Variants in RAB19 observed in about 807,000 individuals in gnomAD.
RAB19 encodes the protein ras-related protein Rab-19.
A neutral mutation model predicts 17.3 loss-of-function variants in RAB19; 21 were observed. The observed-to-expected ratio is 1.21, with a 90% CI of 0.86 to 1.74. The LOEUF (loss-of-function observed/expected upper bound fraction) is 1.74, where lower values mean the gene tolerates loss of function less well. RAB19 is among the 40% of genes most tolerant of loss of function. The pLI is 0.00. For synonymous variants in RAB19, 126 were observed against 110.4 expected (o/e 1.14, Z -0.88); for missense variants, 277 against 286.8 (o/e 0.97, Z 0.25).
chr7:140,421,622 G>T (rs1799564335), intron 3 of RAB19, among the ~76,000 whole-genome samples: 1 of 152,140 alleles, frequency 6.6e-6, no homozygotes, highest in Non-Finnish European at 1.5e-5. Context: ...CTCCCAAAGT[G>T]CTGAGATTAC....
At chr7:140,416,982 T>C (rs1320636488) in intron 3 of RAB19, among the ~76,000 whole-genome samples, 1 of 151,582 alleles carries the variant, frequency 6.6e-6, no homozygotes, top group African/African-American at 2.4e-5. Flanking sequence ...TCCCAGCACT[T>C]TGGGAGGCCG....
intron 3 of RAB19, among the ~76,000 whole-genome samples, chr7:140,422,269 A>G (rs915355913): frequency 6.6e-6 from 1 of 152,088 alleles, no homozygotes; most frequent in African/African-American, 2.4e-5. Flanking sequence ...GGTGCCTGTA[A>G]TCCCAGCTAC....
chr7:140,412,614 T>C (rs978333034), intron 3 of RAB19, among the ~76,000 whole-genome samples: 1 of 151,172 alleles, frequency 6.6e-6, no homozygotes, highest in African/African-American at 2.4e-5. Flanking sequence ...GTGATCCCCC[T>C]GCCTGGCCCT....
intron 3 of RAB19, among the ~76,000 whole-genome samples, chr7:140,412,628 AAAG>A (rs1423686475): frequency 3.3e-5 from 5 of 150,712 alleles, no homozygotes; most frequent in African/African-American, 1.2e-4. Flanking sequence ...TGGCCCTCCC[AAAG>A]TGCTGGGATT....
chr7:140,415,757 T>C (rs1799444410), intron 3 of RAB19, among the ~76,000 whole-genome samples: 1 of 127,554 alleles, frequency 7.8e-6, no homozygotes. Context: ...ATACAAAAAT[T>C]AGCCAGATGT....
chr7:140,412,038 TGTG>T lies in RAB19; in HGVS notation c.369_371del (p.Val124del). ...AGATAGAGAAATATGGAGCTGCAAA[TGTG>T]GTCATTATGCTGATTGGTATGGCAT... On this transcript the variant is annotated inframe_deletion, in exon 3 of 4. Transcript: ENST00000537763. 1 of 1,612,590 alleles carries T rather than the reference TGTG, an allele frequency of 6.2e-7. No individual in the cohort carries two copies. Among genetic ancestry groups the T allele is most frequent in the Non-Finnish European group, 8.5e-7 (1 of 1,180,032 alleles).
chr7:140,410,955 G>A, intron 2 of RAB19: 3 of 1,367,876 alleles, frequency 2.2e-6, no homozygotes, highest in Non-Finnish European at 2.9e-6. Context: ...AACAGCTTGA[G>A]TGTTCCTTTA....
intron 3 of RAB19, among the ~76,000 whole-genome samples, chr7:140,414,520 C>A (rs781285274): frequency 6.6e-6 from 1 of 152,262 alleles, no homozygotes; most frequent in African/African-American, 2.4e-5. Flanking sequence ...GGTATTTATA[C>A]CCTAGTCTGT....
At chr7:140,422,923 C>T (rs1291192077) in intron 3 of RAB19, among the ~76,000 whole-genome samples, 1 of 152,166 alleles carries the variant, frequency 6.6e-6, no homozygotes, top group African/African-American at 2.4e-5. Context: ...GCCTGGCTAA[C>T]ATGGTGAAAC....
At position 140,413,605 on chromosome 7, in the gene RAB19, G is replaced by A. The variant is rs141937016; in HGVS notation, c.385+1548G>A. Among the ~76,000 whole-genome samples the A allele has an allele frequency of 1.1e-3, 160 of 152,268 alleles. 1 individual carries two copies. The South Asian group carries it at 0.015, about 15-fold the overall frequency. On this transcript the variant is annotated intron_variant, in intron 3 of 3. Coordinates refer to ENST00000537763, the MANE Select transcript of RAB19 (RefSeq NM_001008749.3). ...AGTCCCAGCTACTTGAGAGGTTGGG[G>A]TGGGGGGAATCACTTGAGCCTGGGA...
chr7:140,413,398 CT>C (rs1484114487), intron 3 of RAB19, among the ~76,000 whole-genome samples: 2 of 151,706 alleles, frequency 1.3e-5, no homozygotes, highest in Admixed American at 1.3e-4. Flanking sequence ...TTAGGATAAT[CT>C]TTTCTATTTC....
chr7:140,412,220 G>A (rs1799378988), intron 3 of RAB19, among the ~76,000 whole-genome samples, 163 bp downstream of exon 3: 3 of 152,114 alleles, frequency 2.0e-5, no homozygotes, highest in Admixed American at 1.3e-4. Flanking sequence ...GGGAGGCTGG[G>A]GCGGGCGGAT....
chr7:140,419,267 CTA>C (rs1257342844), intron 3 of RAB19, among the ~76,000 whole-genome samples: 1 of 152,016 alleles, frequency 6.6e-6, no homozygotes, highest in Admixed American at 6.6e-5. Context: ...ATGCGTTTTA[CTA>C]TGTTGGCCAG....
chr7:140,406,141 G>A (rs540268280), intron 1 of RAB19, among the ~76,000 whole-genome samples: 58 of 151,288 alleles, frequency 3.8e-4, no homozygotes, highest in African/African-American at 1.3e-3. Context: ...TACTTGGGAG[G>A]CTGAGGCAAG....
intron 3 of RAB19, among the ~76,000 whole-genome samples, chr7:140,414,191 C>T (rs879423909): frequency 2.2e-4 from 34 of 152,072 alleles, no homozygotes; most frequent in Non-Finnish European, 4.6e-4. Context: ...ATTACAGGCT[C>T]CCGCCACCAC....
At chr7:140,411,022 A>G (rs1799349721) in intron 2 of RAB19, 2 of 1,367,736 alleles carry the variant, frequency 1.5e-6, no homozygotes, top group Middle Eastern at 2.1e-4. Flanking sequence ...ATCCACGGGC[A>G]GACTCAAAAG....
chr7:140,417,159 C>T (rs575121607), intron 3 of RAB19, among the ~76,000 whole-genome samples: 7 of 150,184 alleles, frequency 4.7e-5, no homozygotes, highest in Admixed American at 2.0e-4. Context: ...TCACTTGAAC[C>T]TAGGAGGCAG....
chr7:140,411,927 C>CTA lies in RAB19; in HGVS notation c.256_257dup (p.Tyr87ThrfsTer30). The CTA allele has an allele frequency of 6.2e-7, 1 of 1,614,230 alleles. No homozygotes were observed. Among genetic ancestry groups the CTA allele is most frequent in the Non-Finnish European group, 8.5e-7 (1 of 1,180,042 alleles). On this transcript the variant is annotated frameshift_variant, in exon 3 of 4. Coordinates refer to ENST00000537763, the MANE Select transcript of RAB19 (RefSeq NM_001008749.3). LOFTEE classifies it high-confidence loss of function. ...AGCGCTTCCGCACCATCACCCAAAG[C>CTA]TACTACCGCAGTGCCCACGCAGCCA...
chr7:140,407,782 C>T lies in RAB19; in HGVS notation c.136C>T (p.Gln46Ter), dbSNP rs1799271995. The change falls in exon 2 of 4, where the codon CAG becomes TAG. Residue 46 changes from glutamine (Q) to a stop codon, truncating the protein, a stop_gained. Coordinates refer to ENST00000537763, the MANE Select transcript of RAB19 (RefSeq NM_001008749.3). LOFTEE classifies it high-confidence loss of function. ...CAAGTCTGGAGTCTACACTGAGACA[C>T]AGCAGAACACGATTGGAGTGGACTT... ...HFKSGVYTET[Q>*]QNTIGVDFTV... is the part of the protein sequence containing the mutation. 8 of 1,613,094 alleles carry T rather than the reference C, an allele frequency of 5.0e-6. No individual in the cohort carries two copies. The highest frequency in any genetic ancestry group is 6.8e-6 in the Non-Finnish European group (8 of 1,179,766).
Sources: allele counts gnomAD v4.1 joint callset (sites outside exome capture counted in the v4.1 genomes callset), GRCh38; gene constraint gnomAD v4.1.1; transcripts MANE v1.5; gene names NCBI Gene and HGNC (gene_info 2026-07-23, HGNC 2026-07-21).